Variants in MEGF10 observed in about 807,000 individuals in gnomAD.
The protein encoded by MEGF10 is multiple EGF like domains 10.
MEGF10 carries 86 observed loss-of-function variants against 147.5 expected under a neutral mutation model. That is an observed-to-expected ratio of 0.58 (90% CI 0.49 to 0.70). The LOEUF (loss-of-function observed/expected upper bound fraction) is 0.70. MEGF10 is among the 30% of genes least tolerant of loss of function. The pLI is 0.00. For synonymous variants in MEGF10, 478 were observed against 525.5 expected, an observed-to-expected ratio of 0.91 and a Z score of 1.24; for missense variants, 1,329 against 1,487.3, an observed-to-expected ratio of 0.89 and a Z score of 1.75.
At chr5:127,405,015 G>A (rs955865914) in intron 8 of MEGF10, among the ~76,000 whole-genome samples, 3 of 152,090 alleles carry the variant, frequency 2.0e-5, no homozygotes, top group Admixed American at 1.3e-4. Context: ...ACCTTTGTCT[G>A]TAACATCCTA....
At chr5:127,334,495 A>G (rs983805314) in intron 2 of MEGF10, among the ~76,000 whole-genome samples, 1 of 152,180 alleles carries the variant, frequency 6.6e-6, no homozygotes, top group African/African-American at 2.4e-5. Context: ...CTGCATCCCA[A>G]TTGATATCTG....
At chr5:127,324,893 G>A (rs1760945252) in intron 1 of MEGF10, among the ~76,000 whole-genome samples, 1 of 152,092 alleles carries the variant, frequency 6.6e-6, no homozygotes, top group Non-Finnish European at 1.5e-5. Context: ...TCTTTGCCTT[G>A]TGGCCCCTCC....
At chr5:127,431,101 G>A (rs1765375016) in intron 13 of MEGF10, among the ~76,000 whole-genome samples, 1 of 152,172 alleles carries the variant, frequency 6.6e-6, no homozygotes, top group African/African-American at 2.4e-5. Context: ...CTCTGCAGTG[G>A]ATCTTCTTGC....
At chr5:127,446,817 C>G (rs1258697684) in intron 20 of MEGF10, among the ~76,000 whole-genome samples, 1 of 152,160 alleles carries the variant, frequency 6.6e-6, no homozygotes, top group East Asian at 1.9e-4. Flanking sequence ...TTTGATAAAG[C>G]TAAGCCCTGA....
At chr5:127,331,268 T>C (rs772550712) in intron 1 of MEGF10, 23 bp from the exon 2 acceptor site, 2 of 1,259,714 alleles carry the variant, frequency 1.6e-6, no homozygotes, top group East Asian at 4.6e-5. Context: ...GCATTTCTAA[T>C]TGGGATTTTT....
chr5:127,364,938 A>C (rs1033393997), intron 4 of MEGF10, among the ~76,000 whole-genome samples: 1 of 152,188 alleles, frequency 6.6e-6, no homozygotes, highest in African/African-American at 2.4e-5. Flanking sequence ...TTTAATACCA[A>C]CTATGAATAT....
intron 8 of MEGF10, among the ~76,000 whole-genome samples, chr5:127,405,338 C>G (rs1024559907): frequency 3.9e-5 from 6 of 152,094 alleles, no homozygotes; most frequent in Admixed American, 3.3e-4. Context: ...CTGCCTCCAA[C>G]TTAGACCCTG....
intron 13 of MEGF10, among the ~76,000 whole-genome samples, chr5:127,425,519 C>T (rs970922508): frequency 1.3e-5 from 2 of 152,110 alleles, no homozygotes; most frequent in Admixed American, 1.3e-4. Context: ...GGTCATCCCT[C>T]ACAATTACAG....
chr5:127,272,040 C>T, the MEGF10 span, among the ~76,000 whole-genome samples: 1 of 152,048 alleles, frequency 6.6e-6, no homozygotes, highest in Non-Finnish European at 1.5e-5. Flanking sequence ...AGATTTTCTT[C>T]TAGAGTTTTT....
chr5:127,340,661 G>A lies in MEGF10; in HGVS notation c.319+31G>A, dbSNP rs199666494. The A allele has an allele frequency of 3.2e-5, 50 of 1,583,768 alleles. No individual in the cohort carries two copies. In the East Asian group the frequency reaches 8.3e-4, roughly 26 times the overall value. On this transcript the variant is annotated intron_variant, in intron 4 of 24. Transcript: ENST00000503335. ...TAAGACTGTCACCCCTTTGAGATTC[G>A]CTAGTTTTTCCCAGTGCTGGTTTGC...
chr5:127,247,407 G>T, the MEGF10 span, among the ~76,000 whole-genome samples: 1 of 65,306 alleles, frequency 1.5e-5, no homozygotes, highest in Non-Finnish European at 2.9e-5. Flanking sequence ...AGAAGAAGAA[G>T]AAGAAGAAGA....
At chr5:127,447,409 C>T (rs557359425) in intron 20 of MEGF10, 148 bp from the exon 21 acceptor site, 2 of 934,570 alleles carry the variant, frequency 2.1e-6, no homozygotes, top group African/African-American at 1.6e-5. Context: ...GATCTCCTGA[C>T]CTCGTCATCT....
intron 4 of MEGF10, among the ~76,000 whole-genome samples, chr5:127,345,144 G>A (rs1397663391): frequency 6.6e-6 from 1 of 152,228 alleles, no homozygotes; most frequent in African/African-American, 2.4e-5. Flanking sequence ...AGAAGCAGCA[G>A]GTGGTCACTG....
rs187800437 is a variant in MEGF10 at position 127,457,173 on chromosome 5, G to A, written c.3278G>A (p.Arg1093His). ...VVQGVFSNNG[R>H]LSQDPYDLPK... ...CAAGGAGTATTCAGCAATAATGGGC[G>A]TCTCTCCCAGGATCCATATGACCTC... The change falls in exon 25 of 25, where the codon CGT (arginine) becomes CAT (histidine). Residue 1093 changes from arginine to histidine, a missense_variant. This residue lies in a region of MEGF10 where 343 missense variants were observed against 377.9 expected (regional missense o/e 0.91). Transcript: ENST00000503335. 2.2e-5 allele frequency: 36 copies of A among 1,613,958 alleles called. No homozygotes were observed. Among genetic ancestry groups the A allele is most frequent in the Admixed American group, 8.3e-5 (5 of 60,002 alleles).
intron 12 of MEGF10, 70 bp from the exon 13 acceptor site, chr5:127,422,599 TG>T: frequency 1.7e-6 from 2 of 1,144,934 alleles, no homozygotes; most frequent in Non-Finnish European, 2.6e-6. Flanking sequence ...TGGCTGACAG[TG>T]GCCTTTTCCT....
intron 2 of MEGF10, among the ~76,000 whole-genome samples, chr5:127,332,055 G>A (rs993764692): frequency 2.6e-5 from 4 of 151,936 alleles, no homozygotes; most frequent in Non-Finnish European, 4.4e-5. Flanking sequence ...AGTTAGTACC[G>A]TATTGGAGGA....
the MEGF10 span, among the ~76,000 whole-genome samples, chr5:127,280,693 T>C: frequency 6.7e-6 from 1 of 149,192 alleles, no homozygotes; most frequent in African/African-American, 2.6e-5. Context: ...CCAGGCATGC[T>C]GGATCCCTGA....
At chr5:127,281,484 T>C in the MEGF10 span, among the ~76,000 whole-genome samples, 1 of 152,242 alleles carries the variant, frequency 6.6e-6, no homozygotes, top group Non-Finnish European at 1.5e-5. Flanking sequence ...TGTCAGATTA[T>C]ATCCACTTTT....
In MEGF10 at chr5:127,355,626, G is replaced by A. The variant is rs976295853; in HGVS notation, c.320-14284G>A. 3.3e-5 allele frequency among the ~76,000 whole-genome samples: 5 copies of A among 152,084 alleles called. No individual in the cohort carries two copies. In the East Asian group the frequency reaches 5.8e-4, roughly 18 times the overall value. On this transcript the variant is annotated intron_variant, in intron 4 of 24. Transcript: ENST00000503335. ...ATTCCAATTTTCCCACACATCTATC[G>A]GAACCTAAACTTCTGCTTTCCAGTT...
Sources: gnomAD v4.1 joint callset for allele counts (sites outside exome capture counted in the v4.1 genomes callset) on GRCh38, gnomAD v4.1.1 for gene constraint, gnomAD v4.1.1 regional missense constraint, MANE v1.5 for transcripts, NCBI Gene and HGNC (gene_info 2026-07-23, HGNC 2026-07-21) for gene names.